GRM7: variants seen among roughly 807,000 people sequenced by gnomAD.
GRM7 encodes glutamate metabotropic receptor 7.
In GRM7, 35 loss-of-function variants were observed where a neutral mutation model predicts 84.5. The ratio of observed to expected loss-of-function variants is 0.41; its 90% CI spans 0.32 to 0.55. The LOEUF is 0.55. GRM7 is among the 20% of genes least tolerant of loss of function. The pLI, the probability that GRM7 is intolerant of heterozygous loss-of-function variation, is 0.19. For missense variants in GRM7, 1,003 were observed against 1,194.6 expected, an observed-to-expected ratio of 0.84 and a Z score of 2.36; for synonymous variants, 487 against 455.1, an observed-to-expected ratio of 1.07 and a Z score of -0.89.
chr3:7,239,991 C>T (rs1241706933), intron 2 of GRM7, among the ~76,000 whole-genome samples: 5 of 152,044 alleles, frequency 3.3e-5, no homozygotes, highest in Admixed American at 6.6e-5. Flanking sequence ...AGGACTCTAT[C>T]GTTTTATCAA....
At chr3:7,521,409 G>C (rs1352270580) in intron 7 of GRM7, among the ~76,000 whole-genome samples, 1 of 152,174 alleles carries the variant, frequency 6.6e-6, no homozygotes, top group Non-Finnish European at 1.5e-5. Flanking sequence ...CTAAAGGCAA[G>C]CCCCTGTGAA....
At chr3:6,881,427 T>C (rs2124963014) in intron 1 of GRM7, among the ~76,000 whole-genome samples, 1 of 152,324 alleles carries the variant, frequency 6.6e-6, no homozygotes, top group South Asian at 2.1e-4. Context: ...TTGCTGAGGA[T>C]AATGTCTTCC....
intron 4 of GRM7, among the ~76,000 whole-genome samples, chr3:7,391,920 C>G (rs989762991): frequency 6.6e-6 from 1 of 152,072 alleles, no homozygotes; most frequent in African/African-American, 2.4e-5. Flanking sequence ...GCTCCCCAGG[C>G]CCTGATGGGA....
intron 1 of GRM7, among the ~76,000 whole-genome samples, chr3:6,916,705 A>T (rs542589436): frequency 1.3e-5 from 2 of 152,050 alleles, no homozygotes; most frequent in Non-Finnish European, 2.9e-5. Flanking sequence ...CCTCCTAAAG[A>T]CCCTACCTAT....
At chr3:7,015,942 G>A (rs1243962311) in intron 1 of GRM7, among the ~76,000 whole-genome samples, 3 of 152,110 alleles carry the variant, frequency 2.0e-5, no homozygotes, top group Admixed American at 1.3e-4. Context: ...TCAATGGGAG[G>A]GTAATCAGGC....
rs1033165870 is a variant in GRM7 at position 7,741,238 on chromosome 3, T to A, written c.*832T>A. The A allele has an allele frequency of 6.6e-6, 1 of 152,618 alleles. No homozygotes were observed. Among genetic ancestry groups the A allele is most frequent in the African/African-American group, 2.4e-5 (1 of 41,454 alleles). 9.5% of individuals were successfully genotyped at this position (152,618 alleles called of 1,614,324 possible). ...GTTATTTTTAATTAGGGTATATGAA[T>A]ATTTTGCAATAATTTTAATAATTAT... On this transcript the variant is annotated 3_prime_UTR_variant, in exon 10 of 10. Transcript: ENST00000357716.
At chr3:7,438,638 G>A (rs1352118685) in intron 5 of GRM7, among the ~76,000 whole-genome samples, 3 of 151,992 alleles carry the variant, frequency 2.0e-5, no homozygotes, top group African/African-American at 7.2e-5. Context: ...GTAAGGAGAG[G>A]CTACCTAACA....
At chr3:6,980,664 A>G (rs1694164401) in intron 1 of GRM7, among the ~76,000 whole-genome samples, 1 of 152,210 alleles carries the variant, frequency 6.6e-6, no homozygotes. Context: ...CACACCTGAT[A>G]TACATGTAAT....
chr3:6,878,741 CTA>C (rs1574959918), intron 1 of GRM7, among the ~76,000 whole-genome samples: 1 of 152,142 alleles, frequency 6.6e-6, no homozygotes, highest in Non-Finnish European at 1.5e-5. Flanking sequence ...GCTCTAGAAA[CTA>C]TATTTTTCTT....
chr3:7,672,933 G>A (rs886336492), intron 8 of GRM7, among the ~76,000 whole-genome samples: 12 of 152,104 alleles, frequency 7.9e-5, no homozygotes, highest in African/African-American at 1.7e-4. Flanking sequence ...CAAACTAAAC[G>A]AGATGTTCCC....
chr3:7,644,204 A>ATGTCTGTACATATATATGTGTG (rs1249171837), intron 8 of GRM7, among the ~76,000 whole-genome samples: 1 of 145,196 alleles, frequency 6.9e-6, no homozygotes, highest in Admixed American at 6.7e-5. Context: ...GTATATATAT[A>ATGTCTGTACATATATATGTGTG]TGTCTGTACA....
intron 3 of GRM7, among the ~76,000 whole-genome samples, chr3:7,301,071 A>C (rs1490567871): frequency 6.6e-6 from 1 of 152,096 alleles, no homozygotes; most frequent in African/African-American, 2.4e-5. Context: ...TTTAGGCCTC[A>C]TCTACATTCA....
At chr3:7,674,826 G>A (rs1056587119) in intron 8 of GRM7, among the ~76,000 whole-genome samples, 26 of 152,172 alleles carry the variant, frequency 1.7e-4, no homozygotes, top group Non-Finnish European at 3.5e-4. Flanking sequence ...GGCGAACTTA[G>A]TGTGCTTTAA....
At chr3:7,060,732 C>CT (rs34982563) in intron 1 of GRM7, among the ~76,000 whole-genome samples, 36,487 of 151,572 alleles carry the variant, frequency 0.24, 4,774 homozygotes, top group African/African-American at 0.35. Flanking sequence ...GTTTCTTTAA[C>CT]GCCTAGAAAT....
rs558297265 is a variant in GRM7, at chr3:7,057,169, G to A, written c.520-89283G>A. 1.1e-4 allele frequency among the ~76,000 whole-genome samples: 17 copies of A among 152,038 alleles called. 1 individual carries two copies. The South Asian group carries it at 3.5e-3, about 32-fold the overall frequency. On this transcript the variant is annotated intron_variant, in intron 1 of 9. Coordinates refer to ENST00000357716, the MANE Select transcript of GRM7 (RefSeq NM_000844.4). ...TCCTAGAAACTTGTTGAAATTAGTA[G>A]ATTGTAATGGTTTTCAATTAACATA... is the stretch of plus-strand genomic sequence containing the variant.
At chr3:7,717,923 C>T (rs908471402) in intron 9 of GRM7, among the ~76,000 whole-genome samples, 3 of 152,244 alleles carry the variant, frequency 2.0e-5, no homozygotes, top group African/African-American at 7.2e-5. Context: ...AAGGACCTTA[C>T]ATGTCATTAA....
intron 8 of GRM7, among the ~76,000 whole-genome samples, chr3:7,600,354 C>T (rs1053083057): frequency 6.6e-6 from 1 of 151,934 alleles, no homozygotes; most frequent in Non-Finnish European, 1.5e-5. Context: ...TTTTAGATCC[C>T]AGGGGTTGAG....
At chr3:7,152,537 T>C (rs1694316551) in intron 2 of GRM7, among the ~76,000 whole-genome samples, 1 of 152,218 alleles carries the variant, frequency 6.6e-6, no homozygotes, top group African/African-American at 2.4e-5. Flanking sequence ...ATACATATAC[T>C]CTTTACCCCA....
intron 4 of GRM7, among the ~76,000 whole-genome samples, chr3:7,383,907 T>A (rs978590309): frequency 6.6e-6 from 1 of 152,230 alleles, no homozygotes; most frequent in Non-Finnish European, 1.5e-5. Flanking sequence ...TTTACCTTTT[T>A]AACCTAAGTA....
Sources: gnomAD v4.1 joint callset for allele counts (sites outside exome capture counted in the v4.1 genomes callset) on GRCh38, gnomAD v4.1.1 for gene constraint, MANE v1.5 for transcripts, NCBI Gene and HGNC (gene_info 2026-07-23, HGNC 2026-07-21) for gene names.